NRXN1: variants seen among roughly 807,000 people sequenced by gnomAD.
The protein encoded by NRXN1 is neurexin-1.
In NRXN1, 39 loss-of-function variants were observed where a neutral mutation model predicts 150.9. The observed-to-expected ratio is 0.26, with a 90% CI of 0.20 to 0.34. NRXN1 has a LOEUF of 0.34. NRXN1 is among the 10% of genes least tolerant of loss of function. The probability of loss-of-function intolerance (pLI) is 1.00; values close to 1 mark genes in which losing one functional copy is unlikely to be tolerated. For synonymous variants in NRXN1, 924 were observed against 757.0 expected, an observed-to-expected ratio of 1.22 and a Z score of -3.62; for missense variants, 1,815 against 1,949.9, an observed-to-expected ratio of 0.93 and a Z score of 1.30.
chr2:50,850,298 G>A (rs1674330179), intron 5 of NRXN1, among the ~76,000 whole-genome samples: 3 of 150,656 alleles, frequency 2.0e-5, no homozygotes, highest in Admixed American at 2.0e-4. Flanking sequence ...ATACATATTT[G>A]GACCTCCCTT....
chr2:50,466,436 G>A (rs1178419276), intron 16 of NRXN1: 1 of 472,290 alleles, frequency 2.1e-6, no homozygotes, highest in Non-Finnish European at 4.4e-6. Flanking sequence ...TTTCAGTCTT[G>A]TTATATACAC....
chr2:50,444,503 A>G lies in NRXN1; in HGVS notation c.3364+20939T>C, dbSNP rs182644672. Among the ~76,000 whole-genome samples the G allele has an allele frequency of 2.3e-4, 35 of 152,240 alleles. No individual in the cohort carries two copies. In the East Asian group the frequency reaches 6.6e-3, roughly 29 times the overall value. ...CATAGGATTTATGCATTAATAATGA[A>G]TCAAGCCAACTTCAAGAAGCAGCGC... On this transcript the variant is annotated intron_variant, in intron 17 of 22. Transcript: ENST00000401669.
At chr2:50,623,654 T>A in intron 5 of NRXN1, 39 bp from the exon 6 acceptor site, 1 of 1,452,498 alleles carries the variant, frequency 6.9e-7, no homozygotes, top group Non-Finnish European at 9.5e-7. Context: ...AGTAAACAAA[T>A]ACACTATGCA....
intron 18 of NRXN1, among the ~76,000 whole-genome samples, chr2:50,118,723 G>A (rs753820427): frequency 3.9e-5 from 6 of 152,252 alleles, no homozygotes; most frequent in East Asian, 3.9e-4. Flanking sequence ...AATCTGGGGC[G>A]TTCCTATGGA....
At chr2:50,592,914 G>C (rs1050625453) in intron 8 of NRXN1, among the ~76,000 whole-genome samples, 1 of 152,210 alleles carries the variant, frequency 6.6e-6, no homozygotes, top group Admixed American at 6.5e-5. Flanking sequence ...AGATGGGGAA[G>C]TGGAGCAGTT....
chr2:50,472,071 G>T (rs1056255220), intron 16 of NRXN1, among the ~76,000 whole-genome samples: 7 of 136,744 alleles, frequency 5.1e-5, no homozygotes, highest in Non-Finnish European at 9.7e-5. Flanking sequence ...AAAAAACCAA[G>T]ATCCATAGAT....
chr2:50,472,019 C>CA lies in NRXN1; in HGVS notation c.3244+278dup, dbSNP rs1401551085. On this transcript the variant is annotated intron_variant, in intron 16 of 22. Transcript: ENST00000401669. Reference sequence around the variant, plus strand: ...AACTAATCAAATGTACTACATAGCTCAAAAACAAAAACAAAAACAAAAACA... The same window carrying CA: ...AACTAATCAAATGTACTACATAGCTCAAAAAACAAAAACAAAAACAAAAACA... Among the ~76,000 whole-genome samples the CA allele has an allele frequency of 6.2e-3, 854 of 138,066 alleles. 7 individuals carry two copies. The highest frequency in any genetic ancestry group is 0.022 in the African/African-American group (793 of 36,526). 90.6% of individuals were successfully genotyped at this position (138,066 alleles called of 152,430 possible).
At chr2:51,010,884 A>C (rs7594447) in intron 2 of NRXN1, among the ~76,000 whole-genome samples, 22,341 of 151,616 alleles carry the variant, frequency 0.15, 1,719 homozygotes, top group Admixed American at 0.16. Context: ...TCCCAGCCTC[A>C]AGCAATCTAC....
At chr2:50,170,182 G>C (rs2059942852) in intron 18 of NRXN1, among the ~76,000 whole-genome samples, 1 of 151,524 alleles carries the variant, frequency 6.6e-6, no homozygotes, top group Non-Finnish European at 1.5e-5. Context: ...CACTCAAACT[G>C]GTTGAGCACC....
chr2:49,936,104 G>C (rs909356846), intron 22 of NRXN1, among the ~76,000 whole-genome samples: 1 of 152,212 alleles, frequency 6.6e-6, no homozygotes, highest in African/African-American at 2.4e-5. Flanking sequence ...CTACTGAACA[G>C]AGTTTTCTGT....
chr2:50,485,111 G>A (rs1275348496), intron 15 of NRXN1, among the ~76,000 whole-genome samples: 1 of 152,040 alleles, frequency 6.6e-6, no homozygotes, highest in African/African-American at 2.4e-5. Context: ...TGTAAAATGG[G>A]GGCACTAATA....
chr2:50,620,391 C>G (rs1325849745), intron 7 of NRXN1, among the ~76,000 whole-genome samples: 1 of 151,914 alleles, frequency 6.6e-6, no homozygotes, highest in African/African-American at 2.4e-5. Flanking sequence ...AGATTCTATT[C>G]AACTAGCCCT....
chr2:49,979,671 T>C (rs1410575714), intron 21 of NRXN1, among the ~76,000 whole-genome samples: 2 of 152,192 alleles, frequency 1.3e-5, no homozygotes, highest in Non-Finnish European at 2.9e-5. Flanking sequence ...TTTGGACTGT[T>C]TTCAGTTTTT....
At chr2:50,330,949 G>C (rs565920056) in intron 17 of NRXN1, among the ~76,000 whole-genome samples, 1 of 152,206 alleles carries the variant, frequency 6.6e-6, no homozygotes, top group South Asian at 2.1e-4. Context: ...GTAGTTACTT[G>C]CTAAAATCCC....
At chr2:50,574,390 T>C (rs1236927407) in intron 8 of NRXN1, among the ~76,000 whole-genome samples, 1 of 152,090 alleles carries the variant, frequency 6.6e-6, no homozygotes, top group African/African-American at 2.4e-5. Flanking sequence ...AAAGCTTCCG[T>C]CTTCAAGGAC....
chr2:50,749,361 C>G (rs905280550), intron 5 of NRXN1, among the ~76,000 whole-genome samples: 36 of 151,996 alleles, frequency 2.4e-4, no homozygotes, highest in African/African-American at 8.5e-4. Context: ...ATCTAAAAGT[C>G]CGTGAATCCC....
intron 21 of NRXN1, among the ~76,000 whole-genome samples, chr2:50,028,164 T>C (rs1688652602): frequency 6.6e-6 from 1 of 152,188 alleles, no homozygotes; most frequent in Non-Finnish European, 1.5e-5. Context: ...AGAAAATACT[T>C]ACCAGTTGTT....
chr2:50,187,469 T>C (rs972456016), intron 18 of NRXN1, among the ~76,000 whole-genome samples: 2 of 152,096 alleles, frequency 1.3e-5, no homozygotes, highest in Non-Finnish European at 2.9e-5. Flanking sequence ...TCTCCAAATA[T>C]GCAAATGCCT....
intron 5 of NRXN1, among the ~76,000 whole-genome samples, chr2:50,907,657 A>T (rs908236650): frequency 1.3e-5 from 2 of 152,018 alleles, no homozygotes; most frequent in Admixed American, 6.6e-5. Flanking sequence ...ACTACAGAAG[A>T]ATGGTCTGAG....
Sources: gnomAD v4.1 joint callset for allele counts (sites outside exome capture counted in the v4.1 genomes callset) on GRCh38, gnomAD v4.1.1 for gene constraint, MANE v1.5 for transcripts, NCBI Gene and HGNC (gene_info 2026-07-23, HGNC 2026-07-21) for gene names.